Variants in CCSER1 observed in about 807,000 individuals in gnomAD.
The protein encoded by CCSER1 is serine-rich coiled-coil domain-containing protein 1.
In CCSER1, 41 loss-of-function variants were observed where a neutral mutation model predicts 82.0. That is an observed-to-expected ratio of 0.50 (90% confidence interval 0.39 to 0.65). CCSER1 has a LOEUF of 0.65. Among genes scored for constraint, CCSER1 ranks in the 30% least tolerant of loss-of-function variants. The pLI is 0.00. For missense variants in CCSER1, 1,119 were observed against 1,064.2 expected (o/e 1.05, Z -0.72); for synonymous variants, 414 against 383.9 (o/e 1.08, Z -0.92).
chr4:90,277,469 C>G (rs138172139), intron 1 of CCSER1, among the ~76,000 whole-genome samples: 7 of 151,880 alleles, frequency 4.6e-5, no homozygotes, highest in African/African-American at 1.7e-4. Flanking sequence ...GGTACTAGTA[C>G]GAAAACAGAC....
intron 4 of CCSER1, among the ~76,000 whole-genome samples, chr4:90,429,510 CTTAT>C (rs1757986412): frequency 6.6e-6 from 1 of 151,850 alleles, no homozygotes; most frequent in Admixed American, 6.6e-5. Flanking sequence ...ACTATTATAG[CTTAT>C]TTATTTTATT....
chr4:91,407,114 G>T (rs1418659623), intron 10 of CCSER1, among the ~76,000 whole-genome samples: 3 of 152,052 alleles, frequency 2.0e-5, no homozygotes, highest in African/African-American at 7.2e-5. Flanking sequence ...CAATAAATTT[G>T]TTCTTGCTTT....
chr4:90,413,836 C>G (rs1448944303), intron 4 of CCSER1, among the ~76,000 whole-genome samples: 2 of 147,224 alleles, frequency 1.4e-5, no homozygotes, highest in Non-Finnish European at 3.0e-5. Flanking sequence ...GTAGTTCCAG[C>G]TACTCGGGAG....
chr4:91,587,934 T>C (rs556617793), intron 10 of CCSER1, among the ~76,000 whole-genome samples: 9 of 151,628 alleles, frequency 5.9e-5, no homozygotes, highest in South Asian at 2.1e-4. Flanking sequence ...TGAATTAATA[T>C]TATATCAAAA....
chr4:90,685,377 T>G (rs1020810293), intron 6 of CCSER1, among the ~76,000 whole-genome samples: 67 of 152,146 alleles, frequency 4.4e-4, no homozygotes, highest in African/African-American at 1.6e-3. Flanking sequence ...TTTTCAGAAT[T>G]ATCCAATTCC....
rs530788026 is a variant in CCSER1, at chr4:91,338,354, G to A, written c.2217+252360G>A. 2.6e-5 allele frequency among the ~76,000 whole-genome samples: 4 copies of A among 152,260 alleles called. No individual in the cohort carries two copies. The East Asian group carries it at 7.7e-4, about 29-fold the overall frequency. ...ATACCGTGTAAATCATTCTATTTCA[G>A]ATTCTTAAGGCACATCACAAAAGTC... is the stretch of plus-strand genomic sequence containing the variant. On this transcript the variant is annotated intron_variant, in intron 10 of 10. Transcript: ENST00000509176.
At chr4:91,427,682 GT>G (rs1458142428) in intron 10 of CCSER1, among the ~76,000 whole-genome samples, 2 of 152,014 alleles carry the variant, frequency 1.3e-5, no homozygotes, top group African/African-American at 4.8e-5. Context: ...TAACTAGCTA[GT>G]GCACATTCAA....
In CCSER1 at chr4:90,318,508, G is replaced by C. The variant is rs17016722; in HGVS notation, c.1509+5461G>C. On this transcript the variant is annotated intron_variant, in intron 3 of 10. Transcript: ENST00000509176. ...TTATGTGGAAACTGTGAATGACACA[G>C]TAAAAACATAACTGTAGGACTTTGG... Among the ~76,000 whole-genome samples, 883 of 152,278 alleles carry C rather than the reference G, an allele frequency of 5.8e-3. 29 individuals carry two copies. The highest frequency in any genetic ancestry group is 0.044 in the Admixed American group (677 of 15,302).
chr4:90,801,043 T>C (rs959028408), intron 7 of CCSER1, among the ~76,000 whole-genome samples: 1 of 152,154 alleles, frequency 6.6e-6, no homozygotes, highest in Admixed American at 6.5e-5. Flanking sequence ...CATTATTTTT[T>C]ATTGTTAGTT....
chr4:90,571,087 T>C (rs146402118), intron 5 of CCSER1, among the ~76,000 whole-genome samples: 18 of 152,044 alleles, frequency 1.2e-4, no homozygotes, highest in Middle Eastern at 6.8e-3. Flanking sequence ...ATAACAGAAG[T>C]TGGCCAATCT....
At chr4:91,348,912 T>TTA (rs1748260355) in intron 10 of CCSER1, among the ~76,000 whole-genome samples, 2 of 151,732 alleles carry the variant, frequency 1.3e-5, no homozygotes, top group South Asian at 2.1e-4. Context: ...TTAATTAATT[T>TTA]ATTTATTTAT....
chr4:90,825,184 A>T (rs2149800894), intron 8 of CCSER1, among the ~76,000 whole-genome samples: 1 of 152,344 alleles, frequency 6.6e-6, no homozygotes, highest in African/African-American at 2.4e-5. Flanking sequence ...TTGCTCTATG[A>T]TTTAAATGCC....
At chr4:90,748,675 TC>T (rs1233487776) in intron 7 of CCSER1, among the ~76,000 whole-genome samples, 1 of 146,284 alleles carries the variant, frequency 6.8e-6, no homozygotes, top group Non-Finnish European at 1.5e-5. Flanking sequence ...TGTTCCTATT[TC>T]TCCACATCCT....
At chr4:91,207,074 G>C (rs972416583) in intron 10 of CCSER1, among the ~76,000 whole-genome samples, 2 of 151,778 alleles carry the variant, frequency 1.3e-5, no homozygotes, top group African/African-American at 2.4e-5. Flanking sequence ...CTAAATAAAG[G>C]AAACAACGTT....
rs1003987027 is a variant in CCSER1, at chr4:90,948,120, C to A, written c.2172+24673C>A. On this transcript the variant is annotated intron_variant, in intron 9 of 10. Coordinates refer to ENST00000509176, the MANE Select transcript of CCSER1 (RefSeq NM_001145065.2). ...TCAGTGTTGAGTGTAAAGTGAAATC[C>A]TTGGTACTATTTTTTTTTCCAGTCT... Among the ~76,000 whole-genome samples, 4 of 151,644 alleles carry A rather than the reference C, an allele frequency of 2.6e-5. No individual in the cohort carries two copies. In the East Asian group the frequency reaches 7.7e-4, roughly 29 times the overall value.
intron 7 of CCSER1, among the ~76,000 whole-genome samples, chr4:90,767,449 A>G (rs558373237): frequency 4.1e-4 from 62 of 152,290 alleles, no homozygotes; most frequent in African/African-American, 1.2e-3. Context: ...TTCTCACTAG[A>G]TATCAATTGA....
intron 1 of CCSER1, among the ~76,000 whole-genome samples, chr4:90,304,120 A>T: frequency 6.6e-6 from 1 of 152,166 alleles, no homozygotes; most frequent in Non-Finnish European, 1.5e-5. Flanking sequence ...ACCAGTTAGA[A>T]TGGCAATCAT....
intron 4 of CCSER1, among the ~76,000 whole-genome samples, chr4:90,421,863 G>A (rs1043216122): frequency 1.3e-5 from 2 of 152,068 alleles, no homozygotes; most frequent in Non-Finnish European, 2.9e-5. Flanking sequence ...AGTCAGTGGT[G>A]TAAAATGTTT....
chr4:91,524,288 T>G (rs2110150548), intron 10 of CCSER1, among the ~76,000 whole-genome samples: 1 of 152,188 alleles, frequency 6.6e-6, no homozygotes, highest in Non-Finnish European at 1.5e-5. Context: ...TTTGAAGGAG[T>G]ATTTGAAGTC....
Sources: allele counts gnomAD v4.1 joint callset (sites outside exome capture counted in the v4.1 genomes callset), GRCh38; gene constraint gnomAD v4.1.1; transcripts MANE v1.5; gene names NCBI Gene and HGNC (gene_info 2026-07-23, HGNC 2026-07-21).